DOCK10: variants seen among roughly 807,000 people sequenced by gnomAD.
The protein encoded by DOCK10 is dedicator of cytokinesis protein 10.
DOCK10 carries 145 observed loss-of-function variants against 280.1 expected under a neutral mutation model. The ratio of observed to expected loss-of-function variants is 0.52; its 90% confidence interval spans 0.45 to 0.59. The LOEUF (loss-of-function observed/expected upper bound fraction) is 0.59, where lower values mean the gene tolerates loss of function less well. Among genes scored for constraint, DOCK10 ranks in the 20% least tolerant of loss-of-function variants. The probability of loss-of-function intolerance (pLI) is 0.00; values close to 1 mark genes in which losing one functional copy is unlikely to be tolerated. For missense variants in DOCK10, 2,368 were observed against 2,651.7 expected, an observed-to-expected ratio of 0.89 and a Z score of 2.35; for synonymous variants, 915 against 942.2, an observed-to-expected ratio of 0.97 and a Z score of 0.53.
At chr2:224,994,110 T>C (rs1292337495) in intron 1 of DOCK10, among the ~76,000 whole-genome samples, 1 of 152,200 alleles carries the variant, frequency 6.6e-6, no homozygotes, top group Non-Finnish European at 1.5e-5. Flanking sequence ...ATTCATTTAA[T>C]ATATAAGATT....
intron 1 of DOCK10, among the ~76,000 whole-genome samples, chr2:225,035,542 T>TGATATATATA (rs1415059109): frequency 4.0e-4 from 20 of 50,016 alleles, no homozygotes; most frequent in Middle Eastern, 0.012. Flanking sequence ...ATGATATATA[T>TGATATATATA]TATATATATA....
intron 7 of DOCK10, among the ~76,000 whole-genome samples, chr2:224,879,000 C>A (rs1470177312): frequency 6.6e-6 from 1 of 152,106 alleles, no homozygotes; most frequent in Non-Finnish European, 1.5e-5. Context: ...ATTAATCAGA[C>A]AAATGTGAAA....
intron 41 of DOCK10, among the ~76,000 whole-genome samples, chr2:224,799,606 C>G (rs1312403193): frequency 6.6e-6 from 1 of 152,208 alleles, no homozygotes; most frequent in East Asian, 1.9e-4. Flanking sequence ...TGTTCTCCAA[C>G]ATGTTTTTAC....
In DOCK10 at chr2:224,770,495, C is replaced by T. The variant is rs757333504; in HGVS notation, c.6305+50G>A. ...ATGGATTCTTGGGGGATTGAGGACT[C>T]CCTGTCTCAGGAAGTTCAAGGAAGA... On this transcript the variant is annotated intron_variant, in intron 54 of 55. Transcript: ENST00000258390. The surrounding 1 kb of genome is among the most constrained non-coding windows in gnomAD (Gnocchi z 4.5). 1 of 1,573,756 alleles carries T rather than the reference C, an allele frequency of 6.4e-7. No individual in the cohort carries two copies. The highest frequency in any genetic ancestry group is 1.3e-5 in the African/African-American group (1 of 74,148).
chr2:224,830,607 G>A lies in DOCK10; in HGVS notation c.2970C>T (p.Ser990=). Residue 990 remains serine (S), a synonymous_variant, in exon 27 of 56, where the codon TCC becomes TCT. Coordinates refer to ENST00000258390, the MANE Select transcript of DOCK10 (RefSeq NM_014689.3). ...TTAGGATAATTGCAAAGAAGAACCA[G>A]GAATGCTGTTGGGAAAAAAAAGGCA... ...STTVKHVLKH[S]WFFFAIILKS... 1 of 1,521,652 alleles carries A rather than the reference G, an allele frequency of 6.6e-7. No individual in the cohort carries two copies. The highest frequency in any genetic ancestry group is 8.9e-7 in the Non-Finnish European group (1 of 1,129,322). 94.3% of individuals were successfully genotyped at this position (1,521,652 alleles called of 1,614,324 possible).
intron 4 of DOCK10, among the ~76,000 whole-genome samples, chr2:224,892,397 C>CAAAAAAAAAA (rs1174651393): frequency 1.3e-4 from 7 of 52,234 alleles, no homozygotes; most frequent in Non-Finnish European, 2.3e-4. Context: ...GACCCTGTCT[C>CAAAAAAAAAA]AAAAAAAAAA....
Position 224,793,068 on chromosome 2 carries a change from G to A in DOCK10, c.5217C>T (p.Tyr1739=), listed in dbSNP as rs749344636. 4 of 1,607,990 alleles carry A rather than the reference G, an allele frequency of 2.5e-6. No homozygotes were observed. The highest frequency in any genetic ancestry group is 1.7e-5 in the Admixed American group (1 of 59,778). The change falls in exon 47 of 56, where the codon TAC becomes TAT. Residue 1739 remains tyrosine, a synonymous_variant. Transcript: ENST00000258390. Reference sequence around the variant, plus strand: ...CTGTGCAAATCTTTTCCACTTTCCAGTAACCTATGGTAGTGCAAGATGAGG... The same window carrying A: ...CTGTGCAAATCTTTTCCACTTTCCAATAACCTATGGTAGTGCAAGATGAGG... The part of the protein sequence containing the change: ...LIAEYLKRKG[Y]WKVEKICTAS...
chr2:224,968,405 C>G (rs1179838890), intron 1 of DOCK10, among the ~76,000 whole-genome samples: 1 of 152,234 alleles, frequency 6.6e-6, no homozygotes, highest in Non-Finnish European at 1.5e-5. Flanking sequence ...CCCCACACAA[C>G]AGTTCTCATC....
chr2:224,910,974 C>CT lies in DOCK10; in HGVS notation c.333+5720_333+5721insA, dbSNP rs112146867. ...GTCCCAGTCTTCCTCCTTTCTCTCT[C>CT]CCTTTTTTTTTTCTATTTTAGATCC... On this transcript the variant is annotated intron_variant, in intron 3 of 55. Coordinates refer to ENST00000258390, the MANE Select transcript of DOCK10 (RefSeq NM_014689.3). Among the ~76,000 whole-genome samples, 90 of 113,526 alleles carry CT rather than the reference C, an allele frequency of 7.9e-4. 1 individual carries two copies. Among genetic ancestry groups the CT allele is most frequent in the South Asian group, 3.2e-3 (12 of 3,700 alleles). The allele number at this position is 113,526 out of a possible 152,430, so 74.5% of individuals were successfully genotyped here. A position where few individuals can be genotyped will look rare whatever the true frequency, so the allele number is the denominator to read the frequency against.
intron 1 of DOCK10, among the ~76,000 whole-genome samples, chr2:225,016,827 C>T (rs1392727724): frequency 6.6e-6 from 1 of 151,526 alleles, no homozygotes; most frequent in Non-Finnish European, 1.5e-5. Flanking sequence ...CTTGGCCTCC[C>T]GAGTAGCTGT....
In DOCK10 at chr2:224,804,844, A is replaced by C; in HGVS notation, c.4119-3T>G. ...ATCTGAAATTTTGAAGACAAACGCT[A>C]GAAAGGAGAAAAAAACCACATTTTA... is the stretch of plus-strand genomic sequence containing the variant. On this transcript the variant is annotated splice_polypyrimidine_tract_variant and splice_region_variant and intron_variant, in intron 37 of 55. Coordinates refer to ENST00000258390, the MANE Select transcript of DOCK10 (RefSeq NM_014689.3). 1 of 1,507,874 alleles carries C rather than the reference A, an allele frequency of 6.6e-7. No individual in the cohort carries two copies. The highest frequency in any genetic ancestry group is 8.9e-7 in the Non-Finnish European group (1 of 1,128,396). The allele number at this position is 1,507,874 out of a possible 1,614,324, so 93.4% of individuals were successfully genotyped here.
At chr2:224,959,094 T>C (rs1704215510) in intron 1 of DOCK10, among the ~76,000 whole-genome samples, 1 of 152,220 alleles carries the variant, frequency 6.6e-6, no homozygotes, top group Admixed American at 6.5e-5. Context: ...CAGGAACCAG[T>C]TCTGAATTTG....
intron 19 of DOCK10, among the ~76,000 whole-genome samples, chr2:224,846,703 G>A (rs1696379306): frequency 6.6e-6 from 1 of 152,108 alleles, no homozygotes; most frequent in African/African-American, 2.4e-5. Context: ...CACCATGTTG[G>A]CCAGGATGGT....
intron 1 of DOCK10, among the ~76,000 whole-genome samples, chr2:225,016,178 C>T (rs931046553): frequency 3.3e-5 from 5 of 152,138 alleles, no homozygotes; most frequent in Admixed American, 6.5e-5. Flanking sequence ...ATTTCATTTG[C>T]TTTGTAAATG....
At chr2:224,835,117 C>T (rs1695510417) in intron 25 of DOCK10, among the ~76,000 whole-genome samples, 1 of 152,118 alleles carries the variant, frequency 6.6e-6, no homozygotes, top group Non-Finnish European at 1.5e-5. Context: ...CACATTGGCA[C>T]CTAACTTGTC....
rs1449732808 is a variant in DOCK10, at chr2:224,965,041, GAAGTC to G, written c.124-33378_124-33374del. 3.9e-5 allele frequency among the ~76,000 whole-genome samples: 6 copies of G among 152,328 alleles called. No homozygotes were observed. In the South Asian group the frequency reaches 1.2e-3, roughly 32 times the overall value. On this transcript the variant is annotated intron_variant, in intron 1 of 55. Coordinates refer to ENST00000258390, the MANE Select transcript of DOCK10 (RefSeq NM_014689.3). Reference sequence around the variant, plus strand: ...AAATAAAAAAGAAATTCTTTTGGTAGAAGTCAAGAACTCTCATTAATCAACTTTTC... The same window carrying G: ...AAATAAAAAAGAAATTCTTTTGGTAGAAGAACTCTCATTAATCAACTTTTC...
chr2:224,788,480 T>C (rs946411921), intron 48 of DOCK10, among the ~76,000 whole-genome samples: 2 of 152,172 alleles, frequency 1.3e-5, no homozygotes, highest in South Asian at 2.1e-4. Flanking sequence ...ATTTGTAAAA[T>C]TGTATTAAAA....
At chr2:224,875,976 A>G (rs2125694614) in intron 8 of DOCK10, 62 bp downstream of exon 8, 1 of 1,532,580 alleles carries the variant, frequency 6.5e-7, no homozygotes, top group East Asian at 2.3e-5. Flanking sequence ...TAGCAGCTTT[A>G]GTGAACCAAA....
chr2:224,899,575 A>C (rs1700176114), intron 3 of DOCK10, among the ~76,000 whole-genome samples: 1 of 152,182 alleles, frequency 6.6e-6, no homozygotes, highest in Non-Finnish European at 1.5e-5. Context: ...GGAACAAGGG[A>C]ATTAATTTAT....
Sources: gnomAD v4.1 joint callset for allele counts (sites outside exome capture counted in the v4.1 genomes callset) on GRCh38, gnomAD v4.1.1 for gene constraint, Gnocchi (gnomAD v3.1) non-coding constraint, MANE v1.5 for transcripts, NCBI Gene and HGNC (gene_info 2026-07-23, HGNC 2026-07-21) for gene names.